NSUN6: variants seen among roughly 807,000 people sequenced by gnomAD.
NSUN6 encodes NOP2/Sun RNA methyltransferase 6.
Under a neutral mutation model 58.0 loss-of-function variants are expected in NSUN6, and 64 were observed. The ratio of observed to expected loss-of-function variants is 1.10; its 90% CI spans 0.90 to 1.36. The LOEUF is 1.36. NSUN6 is among the 40% of genes most tolerant of loss of function. The pLI, the probability that NSUN6 is intolerant of heterozygous loss-of-function variation, is 0.00. For synonymous variants in NSUN6, 231 were observed against 193.9 expected (o/e 1.19, Z -1.59); for missense variants, 701 against 550.1 (o/e 1.27, Z -2.74).
intron 7 of NSUN6, among the ~76,000 whole-genome samples, chr10:18,591,542 C>T (rs1433298483): frequency 6.6e-6 from 1 of 152,148 alleles, no homozygotes; most frequent in East Asian, 1.9e-4. Context: ...TCAGCTTCAT[C>T]CCGGGGATGC....
At chr10:18,640,911 CCT>C (rs1263501572) in intron 3 of NSUN6, among the ~76,000 whole-genome samples, 4 of 151,292 alleles carry the variant, frequency 2.6e-5, no homozygotes, top group African/African-American at 4.9e-5. Context: ...TTATTTCCCC[CCT>C]CTCTCCCAAT....
At chr10:18,556,639 G>T (rs1194478628) in intron 8 of NSUN6, among the ~76,000 whole-genome samples, 1 of 150,654 alleles carries the variant, frequency 6.6e-6, no homozygotes, top group African/African-American at 2.5e-5. Flanking sequence ...AATGGAGAAC[G>T]GAATGGAGAA....
chr10:18,583,373 G>A (rs528967658), intron 8 of NSUN6, among the ~76,000 whole-genome samples: 6 of 152,230 alleles, frequency 3.9e-5, no homozygotes, highest in Admixed American at 3.3e-4. Context: ...AAGCTTTGTT[G>A]CTCACACAAA....
intron 4 of NSUN6, among the ~76,000 whole-genome samples, chr10:18,614,945 A>C (rs565893601): frequency 5.8e-4 from 89 of 152,272 alleles, no homozygotes; most frequent in African/African-American, 2.1e-3. Flanking sequence ...ATCTCAGCTC[A>C]AACCTCAAAG....
At chr10:18,651,668 C>T (rs1187726944), upstream of NSUN6, 3 of 985,940 alleles carry the variant, frequency 3.0e-6, no homozygotes, top group Non-Finnish European at 3.6e-6. Flanking sequence ...CGGCCCACCC[C>T]TCCCTTTCCG....
At chr10:18,553,145 C>T (rs549581941) in intron 8 of NSUN6, among the ~76,000 whole-genome samples, 90 of 150,470 alleles carry the variant, frequency 6.0e-4, no homozygotes, top group African/African-American at 1.9e-3. Context: ...TCCATTCTCC[C>T]TTCCCTTCCA....
intron 8 of NSUN6, among the ~76,000 whole-genome samples, chr10:18,581,099 G>A (rs1564753633): frequency 6.6e-6 from 1 of 152,042 alleles, no homozygotes; most frequent in Non-Finnish European, 1.5e-5. Flanking sequence ...TCTTCCCTTG[G>A]GGTGGGCTGC....
chr10:18,587,958 C>A (rs1200121392), intron 7 of NSUN6, among the ~76,000 whole-genome samples: 1 of 152,148 alleles, frequency 6.6e-6, no homozygotes, highest in Non-Finnish European at 1.5e-5. Flanking sequence ...GGGCTAATGC[C>A]AGGGAGCCAA....
chr10:18,627,225 A>T (rs1377404941), intron 3 of NSUN6, among the ~76,000 whole-genome samples: 1 of 152,232 alleles, frequency 6.6e-6, no homozygotes, highest in East Asian at 1.9e-4. Context: ...ATTTCAAGTA[A>T]ACTGAAGAAA....
intron 7 of NSUN6, among the ~76,000 whole-genome samples, chr10:18,591,965 A>G (rs2057393804): frequency 6.6e-6 from 1 of 152,168 alleles, no homozygotes; most frequent in African/African-American, 2.4e-5. Flanking sequence ...ATATGTAGAA[A>G]ACCCCATCGT....
At chr10:18,650,821 C>T (rs997165157) in intron 1 of NSUN6, among the ~76,000 whole-genome samples, 3 of 152,218 alleles carry the variant, frequency 2.0e-5, no homozygotes, top group Non-Finnish European at 4.4e-5. Flanking sequence ...TTTTAAAATT[C>T]GATTCGAGTT....
chr10:18,599,501 A>G (rs1211118834), intron 6 of NSUN6, among the ~76,000 whole-genome samples: 2 of 152,200 alleles, frequency 1.3e-5, no homozygotes, highest in African/African-American at 4.8e-5. Flanking sequence ...GGCCTTATCT[A>G]GTAAAATCAA....
rs2058548908 is a variant in NSUN6, at chr10:18,620,087, A to G, written c.312-3794T>C. On this transcript the variant is annotated intron_variant, in intron 3 of 10. Coordinates refer to ENST00000377304, the MANE Select transcript of NSUN6 (RefSeq NM_182543.5). ...TACACATCTAATTTTTACTAATAAA[A>G]AAAATTTTTTTTTTTTTTGAGACGG... Among the ~76,000 whole-genome samples the G allele has an allele frequency of 7.5e-5, 7 of 93,922 alleles. No homozygotes were observed. In the South Asian group the frequency reaches 2.8e-3, roughly 37 times the overall value. The allele number at this position is 93,922 out of a possible 152,430, so 61.6% of individuals were successfully genotyped here.
chr10:18,578,198 A>G (rs1316803974), intron 8 of NSUN6, among the ~76,000 whole-genome samples: 4 of 150,992 alleles, frequency 2.6e-5, no homozygotes, highest in African/African-American at 7.3e-5. Flanking sequence ...TGAGCTGAGA[A>G]GCCCAGCTCC....
intron 3 of NSUN6, among the ~76,000 whole-genome samples, chr10:18,638,959 A>AC (rs1320921335): frequency 5.6e-4 from 84 of 150,662 alleles, no homozygotes; most frequent in African/African-American, 2.0e-3. Context: ...AAAAAAAAAA[A>AC]AAAAAAAAAA....
intron 3 of NSUN6, among the ~76,000 whole-genome samples, chr10:18,628,399 G>A (rs1340665778): frequency 1.3e-5 from 2 of 152,234 alleles, no homozygotes; most frequent in African/African-American, 4.8e-5. Context: ...AACAAAGCTG[G>A]ATGGAGAATG....
At chr10:18,646,656 A>C (rs1295865762) in intron 2 of NSUN6, among the ~76,000 whole-genome samples, 1 of 152,228 alleles carries the variant, frequency 6.6e-6, no homozygotes, top group Admixed American at 6.5e-5. Context: ...CAGCCTAGCC[A>C]ATATGGTGAA....
At position 18,586,114 on chromosome 10, in the gene NSUN6, C is replaced by T. The variant is rs2057125943; in HGVS notation, c.778-21G>A. ...TCTCCCTAAAAAGAAACAAAACACA[C>T]ACATGCAGAAAAAAAAAAAGAAAAT... On this transcript the variant is annotated intron_variant, in intron 7 of 10. Coordinates refer to ENST00000377304, the MANE Select transcript of NSUN6 (RefSeq NM_182543.5). The T allele has an allele frequency of 2.0e-6, 3 of 1,477,838 alleles. No individual in the cohort carries two copies. In the African/African-American group the frequency reaches 4.3e-5, roughly 21 times the overall value. 91.5% of individuals were successfully genotyped at this position (1,477,838 alleles called of 1,614,324 possible).
intron 7 of NSUN6, among the ~76,000 whole-genome samples, chr10:18,588,888 G>T (rs2057273949): frequency 6.6e-6 from 1 of 152,148 alleles, no homozygotes; most frequent in African/African-American, 2.4e-5. Context: ...CTCCTCTCCA[G>T]CAAGGGCACA....
Sources: allele counts gnomAD v4.1 joint callset (sites outside exome capture counted in the v4.1 genomes callset), GRCh38; gene constraint gnomAD v4.1.1; transcripts MANE v1.5; gene names NCBI Gene and HGNC (gene_info 2026-07-23, HGNC 2026-07-21).